NARS2: variants seen among roughly 807,000 people sequenced by gnomAD.
NARS2 encodes asparaginyl-tRNA synthetase 2, mitochondrial.
NARS2 carries 60 observed loss-of-function variants against 62.9 expected under a neutral mutation model. That is an observed-to-expected ratio of 0.95 (90% CI 0.77 to 1.18). The LOEUF (loss-of-function observed/expected upper bound fraction) is 1.18, where lower values mean the gene tolerates loss of function less well. Among genes scored for constraint, NARS2 ranks in the 50% most tolerant of loss-of-function variants. The pLI, the probability that NARS2 is intolerant of heterozygous loss-of-function variation, is 0.00. For missense variants in NARS2, 619 were observed against 576.4 expected (o/e 1.07, Z -0.76); for synonymous variants, 196 against 200.0 (o/e 0.98, Z 0.17).
At chr11:78,464,959 G>A (rs1018519991) in intron 11 of NARS2, among the ~76,000 whole-genome samples, 3 of 152,238 alleles carry the variant, frequency 2.0e-5, no homozygotes, top group Non-Finnish European at 2.9e-5. Flanking sequence ...CCAGTCCCGC[G>A]CCATGCGCCT....
chr11:78,548,042 A>G lies in NARS2; in HGVS notation c.594+11497T>C, dbSNP rs909770573. 4.6e-5 allele frequency among the ~76,000 whole-genome samples: 7 copies of G among 152,232 alleles called. No homozygotes were observed. In the East Asian group the frequency reaches 1.2e-3, roughly 25 times the overall value. On this transcript the variant is annotated intron_variant, in intron 5 of 13. Transcript: ENST00000281038. ...TGAGACCAGCCTAGGCAACATAATG[A>G]CCTTGTCTCTACTAAAAATTAAATT...
intron 4 of NARS2, among the ~76,000 whole-genome samples, chr11:78,561,663 A>T (rs1222528920): frequency 6.6e-6 from 1 of 152,264 alleles, no homozygotes; most frequent in Non-Finnish European, 1.5e-5. Context: ...AACTGAAATA[A>T]CTATTATTTA....
chr11:78,478,550 T>G, intron 8 of NARS2, 35 bp downstream of exon 8: 2 of 1,386,278 alleles, frequency 1.4e-6, no homozygotes, highest in Non-Finnish European at 2.0e-6. Flanking sequence ...CATTAAACAG[T>G]AGATGTATTG....
Position 78,464,909 on chromosome 11 carries a change from C to T in NARS2, c.1164+967G>A, listed in dbSNP as rs190412753. On this transcript the variant is annotated intron_variant, in intron 11 of 13. Transcript: ENST00000281038. Reference sequence around the variant, plus strand: ...GACTCAGGAGCCCAGCTGGCTTCACCCAGTGGATCCCACACTGGGGCTGCA... The same window carrying T: ...GACTCAGGAGCCCAGCTGGCTTCACTCAGTGGATCCCACACTGGGGCTGCA... Among the ~76,000 whole-genome samples the T allele has an allele frequency of 5.3e-3, 803 of 152,366 alleles. 4 individuals carry two copies. The highest frequency in any genetic ancestry group is 0.015 in the African/African-American group (638 of 41,586).
chr11:78,472,627 C>T (rs1858923208), intron 9 of NARS2, among the ~76,000 whole-genome samples: 1 of 152,290 alleles, frequency 6.6e-6, no homozygotes, highest in Middle Eastern at 3.4e-3. Flanking sequence ...GTGAAAAATA[C>T]ACTGAAATCT....
At chr11:78,501,495 GAGTA>G (rs1860282040) in intron 6 of NARS2, among the ~76,000 whole-genome samples, 1 of 152,156 alleles carries the variant, frequency 6.6e-6, no homozygotes, top group Non-Finnish European at 1.5e-5. Context: ...TCTTAATGAA[GAGTA>G]TTAGTTCAGG....
At chr11:78,491,775 C>T (rs911519119) in intron 7 of NARS2, among the ~76,000 whole-genome samples, 2 of 152,176 alleles carry the variant, frequency 1.3e-5, no homozygotes, top group Admixed American at 1.3e-4. Flanking sequence ...CCTGCCCACA[C>T]ATCTCTGCCT....
At chr11:78,465,186 C>A (rs1030734462) in intron 11 of NARS2, among the ~76,000 whole-genome samples, 2 of 152,202 alleles carry the variant, frequency 1.3e-5, no homozygotes, top group African/African-American at 2.4e-5. Flanking sequence ...AAGCCCCTCA[C>A]TGCCCGGAGC....
intron 12 of NARS2, among the ~76,000 whole-genome samples, chr11:78,441,464 C>T (rs1857574601): frequency 6.6e-6 from 1 of 152,176 alleles, no homozygotes; most frequent in Non-Finnish European, 1.5e-5. Context: ...GTAATCCCAG[C>T]ACTTTGGGAG....
chr11:78,526,490 C>G (rs1347154017), intron 6 of NARS2, among the ~76,000 whole-genome samples: 1 of 152,108 alleles, frequency 6.6e-6, no homozygotes, highest in African/African-American at 2.4e-5. Flanking sequence ...GGAAAAAGGA[C>G]TAACAATTTC....
intron 11 of NARS2, among the ~76,000 whole-genome samples, chr11:78,445,420 A>G (rs2135146452): frequency 6.6e-6 from 1 of 152,324 alleles, no homozygotes; most frequent in South Asian, 2.1e-4. Context: ...CAGGAGTTCG[A>G]GACCAGCCTG....
intron 5 of NARS2, among the ~76,000 whole-genome samples, chr11:78,539,403 A>C (rs1301540643): frequency 6.6e-6 from 1 of 152,186 alleles, no homozygotes; most frequent in Non-Finnish European, 1.5e-5. Context: ...TTTTTACTTA[A>C]GCAAATGAGT....
chr11:78,446,766 T>C (rs1014995318), intron 11 of NARS2, among the ~76,000 whole-genome samples: 1 of 152,142 alleles, frequency 6.6e-6, no homozygotes, highest in African/African-American at 2.4e-5. Flanking sequence ...GAAAAAGTTC[T>C]ATGACATTAG....
At position 78,541,019 on chromosome 11, in the gene NARS2, C is replaced by T. The variant is rs573279842; in HGVS notation, c.595-12083G>A. On this transcript the variant is annotated intron_variant, in intron 5 of 13. Coordinates refer to ENST00000281038, the MANE Select transcript of NARS2 (RefSeq NM_024678.6). ...ACTAAAAATACAAAAATTAGCCAGG[C>T]GTGGTGGCGCACGCCTGTATTCCCA... Among the ~76,000 whole-genome samples, 32 of 152,120 alleles carry T rather than the reference C, an allele frequency of 2.1e-4. 2 individuals are homozygous for T. Among genetic ancestry groups the T allele is most frequent in the Admixed American group, 1.2e-3 (18 of 15,264 alleles).
chr11:78,466,910 T>C (rs1437091654), intron 10 of NARS2, among the ~76,000 whole-genome samples: 3 of 152,236 alleles, frequency 2.0e-5, no homozygotes, highest in Non-Finnish European at 4.4e-5. Flanking sequence ...TACCATATGA[T>C]ATACTGGATA....
intron 5 of NARS2, among the ~76,000 whole-genome samples, chr11:78,540,712 C>G (rs911514785): frequency 2.0e-5 from 3 of 152,152 alleles, no homozygotes; most frequent in Non-Finnish European, 4.4e-5. Flanking sequence ...CCTCAATCTG[C>G]AATTTCCTTT....
intron 6 of NARS2, among the ~76,000 whole-genome samples, chr11:78,527,074 T>C (rs556859316): frequency 3.3e-5 from 5 of 152,202 alleles, no homozygotes; most frequent in Non-Finnish European, 7.4e-5. Context: ...TTTACAGATC[T>C]TTCCCAGCAG....
chr11:78,560,514 T>C (rs918298977), intron 4 of NARS2, among the ~76,000 whole-genome samples: 12 of 152,244 alleles, frequency 7.9e-5, no homozygotes, highest in Admixed American at 2.0e-4. Context: ...AAATGTAGGA[T>C]AGTACATGCT....
At chr11:78,438,078 C>A (rs942306754) in intron 13 of NARS2, among the ~76,000 whole-genome samples, 12 of 151,058 alleles carry the variant, frequency 7.9e-5, no homozygotes, top group Non-Finnish European at 2.9e-5. Context: ...ACGTAAGCAA[C>A]ATAACTTGTA....
Sources: allele counts gnomAD v4.1 joint callset (sites outside exome capture counted in the v4.1 genomes callset), GRCh38; gene constraint gnomAD v4.1.1; transcripts MANE v1.5; gene names NCBI Gene and HGNC (gene_info 2026-07-23, HGNC 2026-07-21).